Variants in PSMD5 observed in about 807,000 individuals in gnomAD.
PSMD5 encodes proteasome 26S subunit, non-ATPase 5, also known as 26S proteasome non-ATPase regulatory subunit 5.
Under a neutral mutation model 52.1 loss-of-function variants are expected in PSMD5, and 40 were observed. That is an observed-to-expected ratio of 0.77 (90% CI 0.60 to 1.00). The LOEUF is 1.00. Among genes scored for constraint, PSMD5 ranks in the 50% least tolerant of loss-of-function variants. PSMD5 has a pLI of 0.00. For synonymous variants in PSMD5, 211 were observed against 226.6 expected, an observed-to-expected ratio of 0.93 and a Z score of 0.62; for missense variants, 575 against 605.2, an observed-to-expected ratio of 0.95 and a Z score of 0.52.
intron 5 of PSMD5, among the ~76,000 whole-genome samples, chr9:120,827,747 G>A (rs1489152907): frequency 6.6e-6 from 1 of 152,072 alleles, no homozygotes; most frequent in Non-Finnish European, 1.5e-5. Context: ...TTTAAGATAA[G>A]AAAAATCAAA....
chr9:120,821,522 AT>A, intron 7 of PSMD5, 58 bp from the exon 8 acceptor site: 1 of 1,250,400 alleles, frequency 8.0e-7, no homozygotes, highest in Non-Finnish European at 1.1e-6. Context: ...ACAACATAAA[AT>A]TTACCATTTT....
intron 1 of PSMD5, among the ~76,000 whole-genome samples, chr9:120,835,626 G>A (rs2045192579): frequency 6.6e-6 from 1 of 152,120 alleles, no homozygotes. Flanking sequence ...TACTTCAGGA[G>A]GCTGAGGCAG....
chr9:120,836,397 C>CTT (rs34125901), intron 1 of PSMD5, among the ~76,000 whole-genome samples: 1 of 135,926 alleles, frequency 7.4e-6, no homozygotes, highest in Non-Finnish European at 1.6e-5. Context: ...ATCATCTGTA[C>CTT]TTTTTTTTTT....
In PSMD5 at chr9:120,820,950, C is replaced by A. The variant is rs766001307; in HGVS notation, c.1146G>T (p.Arg382Ser). 1.4e-5 allele frequency: 22 copies of A among 1,598,382 alleles called. No homozygotes were observed. Among genetic ancestry groups the A allele is most frequent in the Admixed American group, 9.3e-5 (5 of 53,920 alleles). The change falls in exon 9 of 10, where the codon AGG (arginine) becomes AGT (serine). Residue 382 changes from arginine to serine, a missense_variant. Physicochemically the swap from Arg to Ser is moderately radical, Grantham distance 110. Coordinates refer to ENST00000210313, the MANE Select transcript of PSMD5 (RefSeq NM_005047.4). ...AAGAAGAAAACCAGGATTCTGTCAT[C>A]CTCAGAAGGTCATCAGTCTGCTGCT... ...PPEQQTDDLLRMTESWFSSLS... is the reference protein window; with the variant it reads ...PPEQQTDDLLSMTESWFSSLS...
intron 1 of PSMD5, among the ~76,000 whole-genome samples, chr9:120,841,460 TC>T (rs2045235774): frequency 3.9e-5 from 6 of 152,074 alleles, no homozygotes; most frequent in Admixed American, 3.9e-4. Flanking sequence ...GCGCCTGTAG[TC>T]CCAGGTACTC....
intron 6 of PSMD5, among the ~76,000 whole-genome samples, chr9:120,825,933 G>T (rs1251543738): frequency 1.3e-5 from 2 of 150,662 alleles, no homozygotes; most frequent in Non-Finnish European, 2.9e-5. Context: ...AATTGCTCTG[G>T]CTATAACTTC....
intron 6 of PSMD5, 125 bp from the exon 7 acceptor site, chr9:120,824,810 T>G: frequency 1.3e-6 from 1 of 774,028 alleles, no homozygotes; most frequent in Non-Finnish European, 2.0e-6. Flanking sequence ...TAGAGTAGTG[T>G]GTTGCCTGGA....
chr9:120,816,764 G>A lies in PSMD5; in HGVS notation c.*1142C>T, dbSNP rs780076277. ...ACAGGTGGGTGTAGGTGTTGTCAAT[G>A]AAAAGAAAGATTATCCTTTGTAAAT... On this transcript the variant is annotated 3_prime_UTR_variant, in exon 10 of 10. Coordinates refer to ENST00000210313, the MANE Select transcript of PSMD5 (RefSeq NM_005047.4). 1.3e-5 allele frequency: 2 copies of A among 152,206 alleles called. No homozygotes were observed. Among genetic ancestry groups the A allele is most frequent in the African/African-American group, 2.4e-5 (1 of 41,452 alleles). The allele number at this position is 152,206 out of a possible 1,614,324, so 9.4% of individuals were successfully genotyped here.
chr9:120,832,678 G>A (rs1037771773), intron 2 of PSMD5, among the ~76,000 whole-genome samples: 14 of 152,224 alleles, frequency 9.2e-5, no homozygotes, highest in Admixed American at 8.5e-4. Flanking sequence ...TTACAGGCGT[G>A]AGCCACTGTG....
At chr9:120,824,355 G>T in intron 7 of PSMD5, 139 bp downstream of exon 7, 4 of 740,638 alleles carry the variant, frequency 5.4e-6, no homozygotes, top group Admixed American at 2.3e-5. Context: ...TTTCAGACAT[G>T]AGTACAAGGT....
intron 9 of PSMD5, among the ~76,000 whole-genome samples, chr9:120,819,519 T>A (rs1420239493): frequency 6.6e-6 from 1 of 152,204 alleles, no homozygotes; most frequent in Non-Finnish European, 1.5e-5. Context: ...AATGACCATT[T>A]ACAAGGGTGA....
chr9:120,820,652 A>G (rs1359963384), intron 9 of PSMD5, among the ~76,000 whole-genome samples, 187 bp downstream of exon 9: 1 of 152,198 alleles, frequency 6.6e-6, no homozygotes, highest in Non-Finnish European at 1.5e-5. Context: ...AACAGCACCT[A>G]ATATCTTTTA....
In PSMD5 at chr9:120,838,616, T is replaced by C. The variant is rs922175784; in HGVS notation, c.173+4121A>G. 1.4e-4 allele frequency among the ~76,000 whole-genome samples: 22 copies of C among 152,248 alleles called. 1 individual carries two copies. Among genetic ancestry groups the C allele is most frequent in the African/African-American group, 4.8e-4 (20 of 41,456 alleles). ...TTGGTATCTACTATGTATCCAGTTC[T>C]GAATTATTCTGTCTTTAAATTCCAT... On this transcript the variant is annotated intron_variant, in intron 1 of 9. Coordinates refer to ENST00000210313, the MANE Select transcript of PSMD5 (RefSeq NM_005047.4).
intron 9 of PSMD5, among the ~76,000 whole-genome samples, chr9:120,818,757 A>G (rs777608758): frequency 1.3e-4 from 18 of 142,500 alleles, no homozygotes; most frequent in Non-Finnish European, 2.8e-4. Context: ...CATTGAAGAG[A>G]AAAAAAAAAA....
chr9:120,825,902 TTTTA>T (rs761867657), intron 6 of PSMD5, among the ~76,000 whole-genome samples: 7 of 152,130 alleles, frequency 4.6e-5, no homozygotes, highest in South Asian at 2.1e-4. Context: ...TTTGGATGCC[TTTTA>T]TTTATTTATC....
chr9:120,825,373 A>C (rs952605311), intron 6 of PSMD5, among the ~76,000 whole-genome samples: 6 of 152,220 alleles, frequency 3.9e-5, no homozygotes, highest in Admixed American at 3.9e-4. Flanking sequence ...TTAACTGACA[A>C]AAAATCATAT....
chr9:120,833,725 C>CTGGAGTG (rs2045178402), intron 1 of PSMD5, among the ~76,000 whole-genome samples: 1 of 132,252 alleles, frequency 7.6e-6, no homozygotes, highest in Admixed American at 9.3e-5. Context: ...GTCGCCCAGG[C>CTGGAGTG]TGGAGTGCAA....
chr9:120,818,740 A>G (rs906912683), intron 9 of PSMD5, among the ~76,000 whole-genome samples: 3 of 152,020 alleles, frequency 2.0e-5, no homozygotes, highest in African/African-American at 7.2e-5. Flanking sequence ...ATTTTAAAAA[A>G]ACGTAACATT....
At chr9:120,820,758 G>A (rs574479146) in intron 9 of PSMD5, 81 bp downstream of exon 9, 10 of 1,375,916 alleles carry the variant, frequency 7.3e-6, no homozygotes, top group East Asian at 2.5e-5. Context: ...CCCAGAGATG[G>A]CACAGGCTCT....
Sources: allele counts gnomAD v4.1 joint callset (sites outside exome capture counted in the v4.1 genomes callset), GRCh38; gene constraint gnomAD v4.1.1; transcripts MANE v1.5; gene names NCBI Gene and HGNC (gene_info 2026-07-23, HGNC 2026-07-21).